B3GALT1: variants seen among roughly 807,000 people sequenced by gnomAD.
The protein encoded by B3GALT1 is beta-1,3-galactosyltransferase 1, also known as UDP-Gal:betaGlcNAc beta 1,3-galactosyltransferase, polypeptide 1.
A neutral mutation model predicts 23.2 loss-of-function variants in B3GALT1; 10 were observed. The observed-to-expected ratio is 0.43, with a 90% CI of 0.27 to 0.73. The LOEUF is 0.73. B3GALT1 is among the 30% of genes least tolerant of loss of function. The pLI is 0.21. For synonymous variants in B3GALT1, 156 were observed against 141.5 expected (o/e 1.10, Z -0.73); for missense variants, 299 against 405.4 (o/e 0.74, Z 2.25).
chr2:167,443,284 A>G (rs1456901707), intron 1 of B3GALT1, among the ~76,000 whole-genome samples: 1 of 152,082 alleles, frequency 6.6e-6, no homozygotes, highest in African/African-American at 2.4e-5. Context: ...GTAGCCTTGT[A>G]GTATAGTTTG....
chr2:167,435,983 G>GCA (rs149818630), intron 1 of B3GALT1, among the ~76,000 whole-genome samples: 7 of 139,110 alleles, frequency 5.0e-5, no homozygotes, highest in Middle Eastern at 3.4e-3. Flanking sequence ...ACACACACAC[G>GCA]CACACACACA....
At chr2:167,416,856 A>G (rs568870456) in intron 1 of B3GALT1, among the ~76,000 whole-genome samples, 90 of 152,278 alleles carry the variant, frequency 5.9e-4, no homozygotes, top group African/African-American at 2.0e-3. Context: ...TGGGTTTCAG[A>G]TTAGCTTGCG....
intron 2 of B3GALT1, among the ~76,000 whole-genome samples, chr2:167,547,987 A>G (rs867568385): frequency 2.6e-5 from 4 of 152,202 alleles, no homozygotes; most frequent in Middle Eastern, 3.2e-3. Flanking sequence ...CTCTAGAACA[A>G]TGACCTAGTT....
chr2:167,635,926 T>C (rs1441008516), intron 2 of B3GALT1, among the ~76,000 whole-genome samples: 1 of 152,058 alleles, frequency 6.6e-6, no homozygotes, highest in East Asian at 1.9e-4. Context: ...GGCATCACGC[T>C]ACCTGACTTC....
chr2:167,397,208 A>G (rs1469599943), intron 1 of B3GALT1, among the ~76,000 whole-genome samples: 2 of 151,332 alleles, frequency 1.3e-5, no homozygotes, highest in Non-Finnish European at 3.0e-5. Context: ...TCATTCATTC[A>G]TTCTTCCCTC....
intron 2 of B3GALT1, among the ~76,000 whole-genome samples, chr2:167,556,598 A>C (rs1683857074): frequency 6.6e-6 from 1 of 152,214 alleles, no homozygotes; most frequent in South Asian, 2.1e-4. Context: ...ATTTAAACTC[A>C]AGAACCTCAC....
intron 1 of B3GALT1, among the ~76,000 whole-genome samples, chr2:167,300,688 T>C (rs78184408): frequency 0.045 from 6,865 of 152,234 alleles, 185 homozygotes; most frequent in East Asian, 0.13. Flanking sequence ...GATTAATATA[T>C]GGTTCTGGGA....
At chr2:167,368,666 C>T (rs1359505696) in intron 1 of B3GALT1, among the ~76,000 whole-genome samples, 1 of 152,186 alleles carries the variant, frequency 6.6e-6, no homozygotes, top group Non-Finnish European at 1.5e-5. Context: ...ATCACATTCA[C>T]CTGAAACATC....
At chr2:167,329,812 GTT>G (rs76864874) in intron 1 of B3GALT1, among the ~76,000 whole-genome samples, 4 of 148,630 alleles carry the variant, frequency 2.7e-5, no homozygotes, top group East Asian at 3.9e-4. Flanking sequence ...TTTTTGTTTT[GTT>G]TTTTTTTTTC....
intron 3 of B3GALT1, among the ~76,000 whole-genome samples, chr2:167,753,495 A>G (rs549922487): frequency 2.6e-5 from 4 of 152,238 alleles, no homozygotes; most frequent in African/African-American, 2.4e-5. Context: ...TCAGACATCT[A>G]AAAAGCCCTT....
chr2:167,349,549 A>AT (rs1697278459), intron 1 of B3GALT1, among the ~76,000 whole-genome samples: 3 of 152,210 alleles, frequency 2.0e-5, no homozygotes, highest in African/African-American at 4.8e-5. Context: ...TATGGTAAGA[A>AT]TAAGTTTTCC....
At chr2:167,652,799 A>C (rs535053049) in intron 3 of B3GALT1, among the ~76,000 whole-genome samples, 2 of 152,306 alleles carry the variant, frequency 1.3e-5, no homozygotes, top group African/African-American at 2.4e-5. Context: ...TTTTGCACAT[A>C]GTAGGTATGC....
At chr2:167,643,394 C>T (rs1685689526) in intron 2 of B3GALT1, among the ~76,000 whole-genome samples, 1 of 152,052 alleles carries the variant, frequency 6.6e-6, no homozygotes, top group Non-Finnish European at 1.5e-5. Context: ...GATCCATTGG[C>T]ATTGCTGGCC....
intron 1 of B3GALT1, among the ~76,000 whole-genome samples, chr2:167,345,383 G>A (rs1216504314): frequency 6.6e-6 from 1 of 152,104 alleles, no homozygotes; most frequent in Non-Finnish European, 1.5e-5. Flanking sequence ...CCTAAAAAAA[G>A]ATAACTGAAG....
At chr2:167,815,653 A>G (rs1688980787) in intron 3 of B3GALT1, among the ~76,000 whole-genome samples, 1 of 152,218 alleles carries the variant, frequency 6.6e-6, no homozygotes, top group Non-Finnish European at 1.5e-5. Context: ...CGGTATACAG[A>G]AAGAATGGAT....
At chr2:167,429,368 G>A (rs1428466682) in intron 1 of B3GALT1, among the ~76,000 whole-genome samples, 1 of 151,914 alleles carries the variant, frequency 6.6e-6, no homozygotes, top group African/African-American at 2.4e-5. Flanking sequence ...ATAAAGCCAA[G>A]GTTAACATTA....
intron 3 of B3GALT1, among the ~76,000 whole-genome samples, chr2:167,663,277 A>T (rs1396450087): frequency 2.0e-5 from 3 of 151,998 alleles, no homozygotes; most frequent in Admixed American, 2.0e-4. Flanking sequence ...TGTCCCTACA[A>T]AGGACATTAA....
At chr2:167,810,819 A>G (rs902301837) in intron 3 of B3GALT1, among the ~76,000 whole-genome samples, 1 of 152,198 alleles carries the variant, frequency 6.6e-6, no homozygotes, top group African/African-American at 2.4e-5. Flanking sequence ...ATCTCGGCAG[A>G]AAAATAGTTG....
chr2:167,635,197 A>G (rs566181837), intron 2 of B3GALT1, among the ~76,000 whole-genome samples: 1 of 152,310 alleles, frequency 6.6e-6, no homozygotes, highest in East Asian at 1.9e-4. Flanking sequence ...GATGGAACGT[A>G]TCTCAAAAAA....
Sources: gnomAD v4.1 joint callset for allele counts (sites outside exome capture counted in the v4.1 genomes callset) on GRCh38, gnomAD v4.1.1 for gene constraint, MANE v1.5 for transcripts, NCBI Gene and HGNC (gene_info 2026-07-23, HGNC 2026-07-21) for gene names.